Variants in PTPRN2 observed in about 807,000 individuals in gnomAD.
PTPRN2 encodes the protein protein tyrosine phosphatase receptor type N2.
PTPRN2 carries 74 observed loss-of-function variants against 118.8 expected under a neutral mutation model. The observed-to-expected ratio is 0.62, with a 90% confidence interval of 0.52 to 0.76. The LOEUF (loss-of-function observed/expected upper bound fraction) is 0.76. Ranked by LOEUF, PTPRN2 falls within the 30% of genes least tolerant of loss-of-function variation. The pLI is 0.00. For synonymous variants in PTPRN2, 641 were observed against 608.0 expected (o/e 1.05, Z -0.80); for missense variants, 1,481 against 1,394.4 (o/e 1.06, Z -0.99).
Position 157,690,395 on chromosome 7 carries a change from C to T in PTPRN2, c.1789-7458G>A, listed in dbSNP as rs1797415438. Among the ~76,000 whole-genome samples the T allele has an allele frequency of 6.6e-6, 1 of 152,178 alleles. No homozygotes were observed. Among genetic ancestry groups the T allele is most frequent in the South Asian group, 2.1e-4 (1 of 4,832 alleles). On this transcript the variant is annotated intron_variant, in intron 12 of 22. Transcript: ENST00000389418. The surrounding 1 kb of genome is among the most constrained non-coding windows in gnomAD (Gnocchi z 7.1). ...GCCCCCATGCGCGCCCTCCAGCCTT[C>T]GAAAGCTCTCTTCCTCGCCCCACCA... is the stretch of plus-strand genomic sequence containing the variant.
chr7:157,699,157 T>G (rs912565516), intron 12 of PTPRN2, among the ~76,000 whole-genome samples: 30 of 152,230 alleles, frequency 2.0e-4, no homozygotes, highest in African/African-American at 6.5e-4. Flanking sequence ...TTCAGGTAAA[T>G]GTTTGTTTCA....
chr7:158,327,017 AT>A (rs1159938552), intron 2 of PTPRN2, among the ~76,000 whole-genome samples: 2 of 151,432 alleles, frequency 1.3e-5, no homozygotes, highest in Non-Finnish European at 3.0e-5. Context: ...GCATTCTCAC[AT>A]ATATACACAT....
intron 2 of PTPRN2, among the ~76,000 whole-genome samples, chr7:158,343,165 G>A (rs11766348): frequency 0.24 from 36,931 of 152,042 alleles, 4,755 homozygotes; most frequent in Middle Eastern, 0.32. Flanking sequence ...TATCTGATAA[G>A]GGATTTGTAT....
intron 20 of PTPRN2, among the ~76,000 whole-genome samples, chr7:157,570,885 C>T (rs964092037): frequency 2.0e-5 from 3 of 152,138 alleles, no homozygotes; most frequent in Non-Finnish European, 4.4e-5. Flanking sequence ...TAAGAACAAG[C>T]AAGGTGGCAG....
At chr7:158,127,159 T>G (rs1039213897) in intron 9 of PTPRN2, among the ~76,000 whole-genome samples, 2 of 152,156 alleles carry the variant, frequency 1.3e-5, no homozygotes, top group African/African-American at 4.8e-5. Flanking sequence ...TCAGCCGGCC[T>G]CCCCGCAAGA....
intron 12 of PTPRN2, among the ~76,000 whole-genome samples, chr7:157,683,828 C>G (rs1011418065): frequency 2.6e-5 from 4 of 152,150 alleles, no homozygotes; most frequent in Admixed American, 6.5e-5. Context: ...GGAAGGCCGC[C>G]CCGCAGACCG....
At chr7:158,043,487 A>G (rs1808621774) in intron 11 of PTPRN2, among the ~76,000 whole-genome samples, 1 of 97,330 alleles carries the variant, frequency 1.0e-5, no homozygotes, top group African/African-American at 4.1e-5. Context: ...TCGTCACCTG[A>G]CTTTAAAGGG....
At chr7:157,891,899 G>A (rs981500648) in intron 12 of PTPRN2, among the ~76,000 whole-genome samples, 2 of 152,184 alleles carry the variant, frequency 1.3e-5, no homozygotes, top group South Asian at 2.1e-4. Context: ...GAGATGGGGG[G>A]CTCTTTGCCA....
At chr7:158,263,132 T>C (rs922053558) in intron 3 of PTPRN2, among the ~76,000 whole-genome samples, 3 of 136,234 alleles carry the variant, frequency 2.2e-5, no homozygotes, top group Non-Finnish European at 4.7e-5. Context: ...CATACACATA[T>C]ACACACATTC....
At chr7:158,166,598 C>T (rs1002158698) in intron 6 of PTPRN2, among the ~76,000 whole-genome samples, 17 of 151,960 alleles carry the variant, frequency 1.1e-4, no homozygotes, top group Non-Finnish European at 2.4e-4. Context: ...TCCTCACACC[C>T]TCAGGATCAC....
chr7:158,266,984 G>A (rs1318125566), intron 3 of PTPRN2, among the ~76,000 whole-genome samples: 1 of 152,158 alleles, frequency 6.6e-6, no homozygotes, highest in African/African-American at 2.4e-5. Context: ...CAAGATGTCT[G>A]GCTTCCACTT....
chr7:157,858,250 C>CCA (rs1270247726), intron 12 of PTPRN2, among the ~76,000 whole-genome samples: 14 of 4,730 alleles, frequency 3.0e-3, no homozygotes, highest in Non-Finnish European at 4.4e-3. Context: ...GGGAGAGCCC[C>CCA]GTCACCACCC....
chr7:157,817,060 G>C (rs1448864965), intron 12 of PTPRN2, among the ~76,000 whole-genome samples: 4 of 152,212 alleles, frequency 2.6e-5, no homozygotes, highest in Non-Finnish European at 2.9e-5. Flanking sequence ...GCTGCTCAAG[G>C]TGGAGGGAGG....
chr7:158,337,506 C>A (rs1309748198), intron 2 of PTPRN2, among the ~76,000 whole-genome samples: 1 of 151,234 alleles, frequency 6.6e-6, no homozygotes. Context: ...GTCACTCGCA[C>A]CCACACTCTC....
At chr7:158,080,910 C>T in intron 11 of PTPRN2, among the ~76,000 whole-genome samples, 1 of 152,174 alleles carries the variant, frequency 6.6e-6, no homozygotes, top group East Asian at 1.9e-4. Flanking sequence ...TGAAAAACCT[C>T]AAAGCAAAAT....
At chr7:158,290,832 C>CTT (rs1800075645) in intron 3 of PTPRN2, among the ~76,000 whole-genome samples, 2 of 152,196 alleles carry the variant, frequency 1.3e-5, no homozygotes, top group Middle Eastern at 3.2e-3. Flanking sequence ...TTTTTGCACA[C>CTT]AGATAGATGT....
chr7:158,511,855 G>C (rs559008008), intron 1 of PTPRN2, among the ~76,000 whole-genome samples: 1 of 152,314 alleles, frequency 6.6e-6, no homozygotes, highest in South Asian at 2.1e-4. Context: ...AAACTATAGA[G>C]ACATTTAAAA....
Position 158,570,291 on chromosome 7 carries a change from C to T in PTPRN2, c.112+17267G>A, listed in dbSNP as rs1827940085. Among the ~76,000 whole-genome samples, 1 of 152,246 alleles carries T rather than the reference C, an allele frequency of 6.6e-6. No individual in the cohort carries two copies. Among genetic ancestry groups the T allele is most frequent in the Middle Eastern group, 3.2e-3 (1 of 316 alleles). The stretch of plus-strand genomic sequence containing the variant: ...GAGCAGCGCGCCGGGGTATAAGGGA[C>T]GCCCTCAGAGGCCTCCACCCCACAC... On this transcript the variant is annotated intron_variant, in intron 1 of 22. Transcript: ENST00000389418. The surrounding 1 kb of genome is among the most constrained non-coding windows in gnomAD (Gnocchi z 4.5).
In PTPRN2 at chr7:157,753,649, C is replaced by T. The variant is rs190091951; in HGVS notation, c.1789-70712G>A. ...GTGCCAGGCCCCACACCTGCCTTAACGCCTCCCCTCCGTTCTCTACCATGT... is the reference window on the plus strand; with the variant it reads ...GTGCCAGGCCCCACACCTGCCTTAATGCCTCCCCTCCGTTCTCTACCATGT... On this transcript the variant is annotated intron_variant, in intron 12 of 22. Transcript: ENST00000389418. 8.2e-3 allele frequency among the ~76,000 whole-genome samples: 1,199 copies of T among 146,584 alleles called. 6 individuals are homozygous for T. The highest frequency in any genetic ancestry group is 0.012 in the Non-Finnish European group (811 of 66,878).
Sources: allele counts gnomAD v4.1 joint callset (sites outside exome capture counted in the v4.1 genomes callset), GRCh38; gene constraint gnomAD v4.1.1; non-coding constraint Gnocchi (gnomAD v3.1); transcripts MANE v1.5; gene names NCBI Gene and HGNC (gene_info 2026-07-23, HGNC 2026-07-21).